Variants in PHACTR1 observed in about 807,000 individuals in gnomAD.
PHACTR1 encodes phosphatase and actin regulator 1.
Under a neutral mutation model 69.2 loss-of-function variants are expected in PHACTR1, and 16 were observed. The observed-to-expected ratio is 0.23, with a 90% confidence interval of 0.16 to 0.35. The LOEUF is 0.35. Among genes scored for constraint, PHACTR1 ranks in the 10% least tolerant of loss-of-function variants. The probability of loss-of-function intolerance (pLI) is 1.00; values close to 1 mark genes in which losing one functional copy is unlikely to be tolerated. For missense variants in PHACTR1, 510 were observed against 734.7 expected (o/e 0.69, Z 3.54); for synonymous variants, 312 against 284.5 (o/e 1.10, Z -0.97).
chr6:13,263,238 G>GTTTTTTTTT (rs57164668), intron 10 of PHACTR1, among the ~76,000 whole-genome samples: 125 of 84,244 alleles, frequency 1.5e-3, no homozygotes, highest in East Asian at 5.6e-3. Context: ...GGCTTTTAGT[G>GTTTTTTTTT]TTTTTTTTTT....
intron 3 of PHACTR1, among the ~76,000 whole-genome samples, chr6:12,747,014 G>C (rs1765862229): frequency 6.6e-6 from 1 of 152,178 alleles, no homozygotes; most frequent in South Asian, 2.1e-4. Context: ...CAGCCTGTTA[G>C]TCCTTTAAAA....
intron 4 of PHACTR1, among the ~76,000 whole-genome samples, chr6:12,861,944 C>G (rs1780983941): frequency 6.6e-6 from 1 of 151,966 alleles, no homozygotes; most frequent in African/African-American, 2.4e-5. Flanking sequence ...ATGTAAAGTA[C>G]CATGTATGTA....
intron 13 of PHACTR1, among the ~76,000 whole-genome samples, chr6:13,284,455 T>C: frequency 7.3e-6 from 1 of 136,714 alleles, no homozygotes; most frequent in Non-Finnish European, 1.5e-5. Context: ...AGGTGGAGGT[T>C]GCAGTGATCC....
intron 4 of PHACTR1, among the ~76,000 whole-genome samples, chr6:12,782,182 A>G (rs1770917780): frequency 6.6e-6 from 1 of 152,184 alleles, no homozygotes. Context: ...TTTTGTATCA[A>G]GGCATCTCAT....
intron 4 of PHACTR1, among the ~76,000 whole-genome samples, chr6:13,006,371 A>T (rs1374436622): frequency 6.6e-6 from 1 of 152,156 alleles, no homozygotes; most frequent in African/African-American, 2.4e-5. Flanking sequence ...TCTGAATGTC[A>T]GTGGAATGTT....
intron 5 of PHACTR1, among the ~76,000 whole-genome samples, chr6:13,117,227 A>T (rs1189473090): frequency 6.6e-6 from 1 of 152,220 alleles, no homozygotes; most frequent in African/African-American, 2.4e-5. Flanking sequence ...GGTTATTTGT[A>T]GCAGTAAAGA....
chr6:13,283,402 A>T lies in PHACTR1; in HGVS notation c.1510-20A>T, dbSNP rs369972544. On this transcript the variant is annotated intron_variant, in intron 12 of 14. Transcript: ENST00000332995. The surrounding 1 kb of genome is among the most constrained non-coding windows in gnomAD (Gnocchi z 4.7). The stretch of plus-strand genomic sequence containing the variant: ...TCAACCCTTCTGGCTGACTGGGTCC[A>T]TCTCTCTCCCTCCCTGCAGCTCAGT... 6 of 1,612,518 alleles carry T rather than the reference A, an allele frequency of 3.7e-6. No individual in the cohort carries two copies. The highest frequency in any genetic ancestry group is 5.1e-6 in the Non-Finnish European group (6 of 1,179,448).
intron 5 of PHACTR1, among the ~76,000 whole-genome samples, chr6:13,159,070 G>A (rs1169657320): frequency 6.6e-6 from 1 of 152,054 alleles, no homozygotes; most frequent in Non-Finnish European, 1.5e-5. Flanking sequence ...CCTGCCTCTT[G>A]GGCAGCCCCT....
chr6:13,158,587 A>T (rs1476637124), intron 5 of PHACTR1, among the ~76,000 whole-genome samples: 1 of 152,238 alleles, frequency 6.6e-6, no homozygotes, highest in Non-Finnish European at 1.5e-5. Context: ...AAGTTCCAAA[A>T]TATATAATTA....
At chr6:12,772,087 C>T (rs1042800298) in intron 4 of PHACTR1, among the ~76,000 whole-genome samples, 4 of 152,142 alleles carry the variant, frequency 2.6e-5, no homozygotes, top group African/African-American at 9.7e-5. Context: ...CATTCCAGGA[C>T]ATTGGCTGTG....
At chr6:13,230,404 T>C (rs1258312525) in intron 10 of PHACTR1, 4 of 1,160,452 alleles carry the variant, frequency 3.4e-6, no homozygotes, top group African/African-American at 1.6e-5. Flanking sequence ...ATGCAAAAAT[T>C]AGTCAGGCAT....
At chr6:13,213,913 C>T (rs1307978099) in intron 8 of PHACTR1, 2 of 152,122 alleles carry the variant, frequency 1.3e-5, no homozygotes, top group South Asian at 4.2e-4. Flanking sequence ...TGCCATAGTA[C>T]CTGTCATGTA....
At chr6:13,284,397 A>G (rs1179802381) in intron 13 of PHACTR1, among the ~76,000 whole-genome samples, 1 of 151,146 alleles carries the variant, frequency 6.6e-6, no homozygotes, top group Non-Finnish European at 1.5e-5. Context: ...CACACCTGTA[A>G]TCCCAGCTGC....
chr6:13,073,225 CA>C (rs58555118), intron 5 of PHACTR1, among the ~76,000 whole-genome samples: 5 of 119,664 alleles, frequency 4.2e-5, no homozygotes, highest in Admixed American at 8.5e-5. Flanking sequence ...ACAGGATTAA[CA>C]AAAAAAAAAG....
At chr6:12,927,268 G>C (rs186241068) in intron 4 of PHACTR1, among the ~76,000 whole-genome samples, 1 of 152,292 alleles carries the variant, frequency 6.6e-6, no homozygotes, top group East Asian at 1.9e-4. Flanking sequence ...AGGGACTTTA[G>C]TTTAGTGCTC....
At chr6:12,817,768 A>G (rs961662286) in intron 4 of PHACTR1, among the ~76,000 whole-genome samples, 2 of 152,186 alleles carry the variant, frequency 1.3e-5, no homozygotes, top group Non-Finnish European at 1.5e-5. Context: ...TTAGTAAGGT[A>G]AACTATATAT....
Position 12,955,371 on chromosome 6 carries a change from T to TA in PHACTR1, c.251-97986dup, listed in dbSNP as rs78614139. 2.0e-5 allele frequency among the ~76,000 whole-genome samples: 3 copies of TA among 151,914 alleles called. No homozygotes were observed. In the East Asian group the frequency reaches 5.8e-4, roughly 29 times the overall value. ...ACACAACCAGCTAATTTTTTAATTT[T>TA]AAAAAAAATTTTTTATAGCAACGGG... On this transcript the variant is annotated intron_variant, in intron 4 of 14. Transcript: ENST00000332995.
intron 4 of PHACTR1, among the ~76,000 whole-genome samples, chr6:12,998,296 C>T (rs1338850687): frequency 6.6e-6 from 1 of 152,034 alleles, no homozygotes; most frequent in Admixed American, 6.6e-5. Context: ...GATTGCATAA[C>T]CTCATCATAG....
At chr6:12,860,592 A>T (rs1380230932) in intron 4 of PHACTR1, among the ~76,000 whole-genome samples, 1 of 152,192 alleles carries the variant, frequency 6.6e-6, no homozygotes, top group Non-Finnish European at 1.5e-5. Flanking sequence ...ACAATGGTTG[A>T]ACTAATTTAC....
Sources: gnomAD v4.1 joint callset for allele counts (sites outside exome capture counted in the v4.1 genomes callset) on GRCh38, gnomAD v4.1.1 for gene constraint, Gnocchi (gnomAD v3.1) non-coding constraint, MANE v1.5 for transcripts, NCBI Gene and HGNC (gene_info 2026-07-23, HGNC 2026-07-21) for gene names.